The following ERC2 variants were observed in gnomAD, a reference collection of about 807,000 sequenced individuals.
ERC2 encodes ELKS/RAB6-interacting/CAST family member 2, also known as ERC protein 2.
Under a neutral mutation model 114.8 loss-of-function variants are expected in ERC2, and 42 were observed. The ratio of observed to expected loss-of-function variants is 0.37; its 90% CI spans 0.29 to 0.47. The LOEUF (loss-of-function observed/expected upper bound fraction) is 0.47, where lower values mean the gene tolerates loss of function less well. Among genes scored for constraint, ERC2 ranks in the 20% least tolerant of loss-of-function variants. The pLI, the probability that ERC2 is intolerant of heterozygous loss-of-function variation, is 0.99. For synonymous variants in ERC2, 454 were observed against 425.5 expected, an observed-to-expected ratio of 1.07 and a Z score of -0.82; for missense variants, 939 against 1,150.7, an observed-to-expected ratio of 0.82 and a Z score of 2.66.
At chr3:56,447,436 G>A (rs1481390377) in intron 1 of ERC2, among the ~76,000 whole-genome samples, 7 of 152,254 alleles carry the variant, frequency 4.6e-5, no homozygotes, top group Non-Finnish European at 1.0e-4. Flanking sequence ...AAGAGAGGGA[G>A]ACGAGAAGTG....
At chr3:56,203,071 A>T (rs1198788294) in intron 3 of ERC2, among the ~76,000 whole-genome samples, 2 of 152,228 alleles carry the variant, frequency 1.3e-5, no homozygotes, top group Non-Finnish European at 2.9e-5. Flanking sequence ...TCTTGGGTAA[A>T]AGATAAGTTG....
At chr3:55,555,848 C>T (rs1483104321) in intron 17 of ERC2, among the ~76,000 whole-genome samples, 11 of 152,172 alleles carry the variant, frequency 7.2e-5, no homozygotes, top group South Asian at 2.1e-4. Flanking sequence ...CTGAAATCCG[C>T]GCTGCTCGCT....
intron 14 of ERC2, among the ~76,000 whole-genome samples, chr3:55,786,792 G>A (rs1007208340): frequency 6.6e-6 from 1 of 152,144 alleles, no homozygotes; most frequent in African/African-American, 2.4e-5. Flanking sequence ...CTGGAATGGA[G>A]GATGAGTTGA....
intron 6 of ERC2, among the ~76,000 whole-genome samples, chr3:56,122,771 G>A (rs186541142): frequency 3.3e-5 from 5 of 152,234 alleles, no homozygotes; most frequent in Admixed American, 1.3e-4. Flanking sequence ...CCGAATGCCC[G>A]TAAGTCTTAT....
chr3:55,520,055 C>CAG (rs1553687424), intron 17 of ERC2, among the ~76,000 whole-genome samples: 1 of 146,292 alleles, frequency 6.8e-6, no homozygotes, highest in Admixed American at 6.8e-5. Flanking sequence ...ACCCAGTCTC[C>CAG]AAAAAAAAAG....
chr3:55,957,500 C>T (rs527769024), intron 12 of ERC2, among the ~76,000 whole-genome samples: 21 of 152,318 alleles, frequency 1.4e-4, no homozygotes, highest in African/African-American at 4.6e-4. Context: ...GTTCCTCCAC[C>T]AGCTGGAAAC....
intron 12 of ERC2, among the ~76,000 whole-genome samples, chr3:55,956,926 CA>C (rs1263869203): frequency 1.4e-5 from 2 of 139,352 alleles, no homozygotes; most frequent in South Asian, 4.5e-4. Flanking sequence ...TTGTGTCTTC[CA>C]CCTCCTCTGT....
At chr3:55,782,131 C>T (rs914570963) in intron 14 of ERC2, among the ~76,000 whole-genome samples, 22 of 152,158 alleles carry the variant, frequency 1.4e-4, no homozygotes, top group African/African-American at 5.1e-4. Context: ...GGCTTTCTCA[C>T]ACCTTGGCTG....
At chr3:55,820,674 G>C (rs2060087936) in intron 14 of ERC2, among the ~76,000 whole-genome samples, 1 of 152,312 alleles carries the variant, frequency 6.6e-6, no homozygotes, top group South Asian at 2.1e-4. Flanking sequence ...CGAGTAAGTA[G>C]TGGAGCCAGA....
intron 6 of ERC2, among the ~76,000 whole-genome samples, chr3:56,087,179 TTGTGTGTGTGTGTGTGTG>T (rs59471652): frequency 1.2e-4 from 17 of 147,480 alleles, no homozygotes; most frequent in Non-Finnish European, 2.0e-4. Flanking sequence ...TTTGATCCAT[TTGTGTGTGTGTGTGTGTG>T]TGTGTGTGTG....
intron 2 of ERC2, among the ~76,000 whole-genome samples, chr3:56,300,264 T>C (rs1331059975): frequency 7.2e-6 from 1 of 138,886 alleles, no homozygotes; most frequent in Non-Finnish European, 1.5e-5. Context: ...AGTATCTCCC[T>C]CATACTCATG....
At chr3:56,428,297 G>T (rs2061651247) in intron 2 of ERC2, among the ~76,000 whole-genome samples, 1 of 152,088 alleles carries the variant, frequency 6.6e-6, no homozygotes, top group Admixed American at 6.5e-5. Context: ...GAGGCGGGCG[G>T]ATCACCTGAG....
intron 7 of ERC2, among the ~76,000 whole-genome samples, chr3:56,070,529 G>A (rs1465107405): frequency 2.0e-5 from 3 of 151,858 alleles, no homozygotes; most frequent in Non-Finnish European, 4.4e-5. Flanking sequence ...TAACCCAGAA[G>A]CAAATATTTA....
At chr3:56,358,694 T>C (rs4974205) in intron 2 of ERC2, among the ~76,000 whole-genome samples, 35,373 of 152,218 alleles carry the variant, frequency 0.23, 4,694 homozygotes, top group Non-Finnish European at 0.29. Context: ...ACTCTGCCAC[T>C]TAGTAACTGT....
chr3:55,622,360 A>C (rs1449204492), intron 17 of ERC2, among the ~76,000 whole-genome samples: 4 of 152,218 alleles, frequency 2.6e-5, no homozygotes, highest in Admixed American at 2.6e-4. Context: ...GTGACACATC[A>C]TGGATCTTAA....
chr3:56,134,522 T>C (rs2080382535), intron 6 of ERC2, among the ~76,000 whole-genome samples: 1 of 152,174 alleles, frequency 6.6e-6, no homozygotes. Context: ...TGAAATTATA[T>C]ACACTACTGC....
At chr3:56,059,002 G>GCTTTCT (rs1032068040) in intron 7 of ERC2, among the ~76,000 whole-genome samples, 48 of 152,218 alleles carry the variant, frequency 3.2e-4, no homozygotes, top group Non-Finnish European at 5.4e-4. Context: ...GGTCAATGAG[G>GCTTTCT]GGATCATAGA....
At chr3:55,885,976 A>G (rs1244727894) in intron 14 of ERC2, among the ~76,000 whole-genome samples, 1 of 152,232 alleles carries the variant, frequency 6.6e-6, no homozygotes, top group Non-Finnish European at 1.5e-5. Flanking sequence ...TTCTCTCAAA[A>G]TGTTGAAAGT....
At chr3:55,614,147 CG>C (rs1446516663) in intron 17 of ERC2, among the ~76,000 whole-genome samples, 1 of 152,104 alleles carries the variant, frequency 6.6e-6, no homozygotes, top group East Asian at 1.9e-4. Context: ...TTATATCCTA[CG>C]GATCTACTGG....
Sources: gnomAD v4.1 joint callset for allele counts (sites outside exome capture counted in the v4.1 genomes callset) on GRCh38, gnomAD v4.1.1 for gene constraint, MANE v1.5 for transcripts, NCBI Gene and HGNC (gene_info 2026-07-23, HGNC 2026-07-21) for gene names.